The following HSD11B1 variants were observed in gnomAD, a reference collection of about 807,000 sequenced individuals.
HSD11B1 encodes hydroxysteroid 11-beta dehydrogenase 1, also known as 11-beta-hydroxysteroid dehydrogenase 1.
In HSD11B1, 15 loss-of-function variants were observed where a neutral mutation model predicts 22.1. The observed-to-expected ratio is 0.68, with a 90% CI of 0.45 to 1.04. The LOEUF is 1.04. Ranked by LOEUF, HSD11B1 falls within the 50% of genes least tolerant of loss-of-function variation. The pLI is 0.00. For synonymous variants in HSD11B1, 122 were observed against 125.2 expected, an observed-to-expected ratio of 0.97 and a Z score of 0.17; for missense variants, 281 against 357.6, an observed-to-expected ratio of 0.79 and a Z score of 1.73.
At chr1:209,718,467 T>G (rs977824429) in intron 4 of HSD11B1, among the ~76,000 whole-genome samples, 1 of 152,086 alleles carries the variant, frequency 6.6e-6, no homozygotes, top group Non-Finnish European at 1.5e-5. Context: ...CATGAAGAGA[T>G]GCTAAACATC....
At chr1:209,698,784 T>G (rs1289441486) in intron 1 of HSD11B1, among the ~76,000 whole-genome samples, 2 of 152,198 alleles carry the variant, frequency 1.3e-5, no homozygotes, top group Non-Finnish European at 2.9e-5. Context: ...AAGAACTCTT[T>G]GCATCTCCAT....
intron 1 of HSD11B1, among the ~76,000 whole-genome samples, chr1:209,693,727 G>T (rs762136104): frequency 3.3e-5 from 5 of 152,194 alleles, no homozygotes; most frequent in Non-Finnish European, 5.9e-5. Context: ...GCATTTGAAT[G>T]AAAGTTTAAC....
intron 4 of HSD11B1, among the ~76,000 whole-genome samples, chr1:209,730,124 G>C (rs1417581143): frequency 6.6e-6 from 1 of 152,092 alleles, no homozygotes; most frequent in Non-Finnish European, 1.5e-5. Flanking sequence ...GGAAGTTCTA[G>C]CCAGAGCAAT....
chr1:209,702,689 A>G (rs2076832710), upstream of HSD11B1, among the ~76,000 whole-genome samples: 1 of 152,224 alleles, frequency 6.6e-6, no homozygotes, highest in African/African-American at 2.4e-5. Context: ...CTCAGTCTTA[A>G]TTTCTAATGC....
At chr1:209,707,754 T>C (rs577906457) in intron 4 of HSD11B1, among the ~76,000 whole-genome samples, 2 of 152,314 alleles carry the variant, frequency 1.3e-5, no homozygotes, top group East Asian at 3.9e-4. Flanking sequence ...CTTGTCCTGG[T>C]CCTAAGTGAG....
upstream of HSD11B1, chr1:209,704,818 T>C (rs1048855797): frequency 9.5e-6 from 7 of 736,012 alleles, no homozygotes; most frequent in Non-Finnish European, 1.7e-5. Flanking sequence ...TGCCTGAGAC[T>C]ACTCCAGCCT....
chr1:209,708,028 G>T (rs11807619), intron 4 of HSD11B1, among the ~76,000 whole-genome samples: 25,952 of 152,124 alleles, frequency 0.17, 2,232 homozygotes, highest in East Asian at 0.22. Context: ...GCTGGGTAGG[G>T]AGGAAATGTG....
At chr1:209,699,870 G>A (rs1271137209), upstream of HSD11B1, among the ~76,000 whole-genome samples, 12 of 152,280 alleles carry the variant, frequency 7.9e-5, no homozygotes, top group Non-Finnish European at 5.9e-5. Flanking sequence ...GGGTTACAGG[G>A]CCCATGCAAG....
At chr1:209,700,182 C>T (rs573632799), upstream of HSD11B1, among the ~76,000 whole-genome samples, 27 of 152,338 alleles carry the variant, frequency 1.8e-4, no homozygotes, top group Admixed American at 6.5e-4. Context: ...GTCTCCAACC[C>T]GACATTTCCC....
chr1:209,694,324 G>A (rs955203769), intron 1 of HSD11B1, among the ~76,000 whole-genome samples: 14 of 152,156 alleles, frequency 9.2e-5, no homozygotes, highest in African/African-American at 3.4e-4. Flanking sequence ...GAGATGCAGG[G>A]GCAAGCAAGG....
At chr1:209,709,490 G>T (rs1369347920) in intron 4 of HSD11B1, among the ~76,000 whole-genome samples, 1 of 152,184 alleles carries the variant, frequency 6.6e-6, no homozygotes, top group Non-Finnish European at 1.5e-5. Flanking sequence ...TTCAGCTACT[G>T]TAACGAAGAC....
At chr1:209,700,045 G>A (rs2102363271), upstream of HSD11B1, among the ~76,000 whole-genome samples, 1 of 152,330 alleles carries the variant, frequency 6.6e-6, no homozygotes, top group South Asian at 2.1e-4. Context: ...GGCTGGTATT[G>A]AGTGTCTGCG....
intron 4 of HSD11B1, among the ~76,000 whole-genome samples, chr1:209,730,869 G>A (rs1024154420): frequency 6.6e-5 from 10 of 152,142 alleles, no homozygotes; most frequent in African/African-American, 2.2e-4. Context: ...ATAAGCTTTT[G>A]ACAAAATATC....
intron 4 of HSD11B1, among the ~76,000 whole-genome samples, chr1:209,728,302 C>G (rs2077015621): frequency 6.6e-6 from 1 of 152,066 alleles, no homozygotes. Flanking sequence ...AGCTATTTGT[C>G]CCAACATGAT....
At chr1:209,727,518 G>T (rs1209390360) in intron 4 of HSD11B1, among the ~76,000 whole-genome samples, 2 of 152,164 alleles carry the variant, frequency 1.3e-5, no homozygotes, top group African/African-American at 4.8e-5. Flanking sequence ...ACTATCAAAA[G>T]AGAGAGAATC....
At position 209,706,858 on chromosome 1, in the gene HSD11B1, C is replaced by T; in HGVS notation, c.331+38C>T. 1 of 1,601,672 alleles carries T rather than the reference C, an allele frequency of 6.2e-7. No homozygotes were observed. The highest frequency in any genetic ancestry group is 8.5e-7 in the Non-Finnish European group (1 of 1,171,426). ...CTCTTACCTCCTCCTCTGAACTTTG[C>T]CCTTGGGGTCACCAAGAGCTTTTGG... On this transcript the variant is annotated intron_variant, in intron 3 of 5. Coordinates refer to ENST00000367027, the MANE Select transcript of HSD11B1 (RefSeq NM_005525.4). This position sits in a 1 kb window ranked among gnomAD's most constrained non-coding sequence, Gnocchi z 4.0.
intron 4 of HSD11B1, among the ~76,000 whole-genome samples, chr1:209,708,901 A>G (rs1055444548): frequency 1.3e-5 from 2 of 152,176 alleles, no homozygotes; most frequent in African/African-American, 2.4e-5. Context: ...TAGCTGGATG[A>G]GTATCTTTGG....
Position 209,706,959 on chromosome 1 carries a change from C to T in HSD11B1, c.348C>T (p.Leu116=). 1.2e-6 allele frequency: 2 copies of T among 1,614,070 alleles called. No individual in the cohort carries two copies. Among genetic ancestry groups the T allele is most frequent in the Non-Finnish European group, 1.7e-6 (2 of 1,179,912 alleles). The part of the protein sequence containing the change: ...AGKLMGGLDM[L]ILNHITNTSL... ...CTCTTGCAGGAGGACTAGACATGCTCATTCTCAACCACATCACCAACACTT... is the reference window on the plus strand; with the variant it reads ...CTCTTGCAGGAGGACTAGACATGCTTATTCTCAACCACATCACCAACACTT... Residue 116 remains leucine (L), a synonymous_variant, in exon 4 of 6, where the codon CTC becomes CTT. Transcript: ENST00000367027. This position sits in a 1 kb window ranked among gnomAD's most constrained non-coding sequence, Gnocchi z 4.0.
At position 209,734,741 on chromosome 1, in the gene HSD11B1, GT is replaced by G. The variant is rs2077056924; in HGVS notation, c.*222del. The G allele has an allele frequency of 2.1e-6, 1 of 465,140 alleles. No individual in the cohort carries two copies. Among genetic ancestry groups the G allele is most frequent in the African/African-American group, 2.0e-5 (1 of 51,220 alleles). 28.8% of individuals were successfully genotyped at this position (465,140 alleles called of 1,614,324 possible). A position where few individuals can be genotyped will look rare whatever the true frequency, so the allele number is the denominator to read the frequency against. The stretch of plus-strand genomic sequence containing the variant: ...CGCTGCAGCCAGCAGTTGTAAAATT[GT>G]TAGTAAACATAGGTATAATTACCAG... On this transcript the variant is annotated 3_prime_UTR_variant, in exon 6 of 6. Transcript: ENST00000367027.
Sources: gnomAD v4.1 joint callset for allele counts (sites outside exome capture counted in the v4.1 genomes callset) on GRCh38, gnomAD v4.1.1 for gene constraint, Gnocchi (gnomAD v3.1) non-coding constraint, MANE v1.5 for transcripts, NCBI Gene and HGNC (gene_info 2026-07-23, HGNC 2026-07-21) for gene names.